CLINT1: variants seen among roughly 807,000 people sequenced by gnomAD.
CLINT1 encodes the protein clathrin interactor 1, also known as clathrin interacting protein localized in the trans-Golgi region.
Under a neutral mutation model 70.4 loss-of-function variants are expected in CLINT1, and 15 were observed. The observed-to-expected ratio is 0.21, with a 90% CI of 0.14 to 0.33. The LOEUF (loss-of-function observed/expected upper bound fraction) is 0.33, where lower values mean the gene tolerates loss of function less well. Ranked by LOEUF, CLINT1 falls within the 10% of genes least tolerant of loss-of-function variation. CLINT1 has a pLI of 1.00. For missense variants in CLINT1, 615 were observed against 778.1 expected (o/e 0.79, Z 2.49); for synonymous variants, 227 against 254.7 (o/e 0.89, Z 1.04).
At chr5:157,795,032 G>A in intron 8 of CLINT1, 60 bp from the exon 9 acceptor site, 1 of 1,404,810 alleles carries the variant, frequency 7.1e-7, no homozygotes, top group Admixed American at 2.0e-5. Flanking sequence ...AATAATTTCT[G>A]GAGGCCATTT....
At chr5:157,839,600 T>G (rs1763549966) in intron 1 of CLINT1, among the ~76,000 whole-genome samples, 1 of 143,464 alleles carries the variant, frequency 7.0e-6, no homozygotes, top group South Asian at 2.2e-4. Flanking sequence ...GACTCAGTCT[T>G]AAATAAAATA....
At chr5:157,822,191 A>G (rs887726233) in intron 1 of CLINT1, among the ~76,000 whole-genome samples, 2 of 151,330 alleles carry the variant, frequency 1.3e-5, no homozygotes, top group African/African-American at 4.9e-5. Context: ...GTAGTGAGTA[A>G]GTCTCACAAG....
At position 157,789,435 on chromosome 5, in the gene CLINT1, C is replaced by T; in HGVS notation, c.1459G>A (p.Asp487Asn). The T allele has an allele frequency of 6.2e-7, 1 of 1,613,904 alleles. No individual in the cohort carries two copies. Among genetic ancestry groups the T allele is most frequent in the Non-Finnish European group, 8.5e-7 (1 of 1,179,854 alleles). Reference protein sequence around the residue: ...WSDPSVNISLDNLLPGMQPSK... With the variant: ...WSDPSVNISLNNLLPGMQPSK... ...GGCTGCATACCAGGTAGTAAGTTGT[C>T]TAGGCTGATGTTTACACTGGGGTCA... Residue 487 changes from aspartate to asparagine, a missense_variant, in exon 11 of 12, where the codon GAC becomes AAC. Coordinates refer to ENST00000411809, the MANE Select transcript of CLINT1 (RefSeq NM_014666.4).
At chr5:157,817,050 T>C (rs557596109) in intron 2 of CLINT1, among the ~76,000 whole-genome samples, 74 of 152,280 alleles carry the variant, frequency 4.9e-4, no homozygotes, top group Non-Finnish European at 8.5e-4. Flanking sequence ...TACTTTGCAA[T>C]TAATAATTAA....
At chr5:157,848,835 T>C (rs1348111101) in intron 1 of CLINT1, among the ~76,000 whole-genome samples, 1 of 151,374 alleles carries the variant, frequency 6.6e-6, no homozygotes, top group Admixed American at 6.6e-5. Flanking sequence ...CTAATTTTTG[T>C]ATTTTTAGTA....
Position 157,813,118 on chromosome 5 carries a change from C to T in CLINT1, c.462G>A (p.Lys154=). The change falls in exon 5 of 12, where the codon AAG becomes AAA. Residue 154 remains lysine, a synonymous_variant. Transcript: ENST00000411809. ...AAACCCCAACATACTTGTCTTTGTTCTTCTTTGCTTTCTTTCGCTCTTCAC... is the reference window on the plus strand; with the variant it reads ...AAACCCCAACATACTTGTCTTTGTTTTTCTTTGCTTTCTTTCGCTCTTCAC... ...RLREERKKAK[K]NKDKYVGVSS... is the part of the protein sequence containing the mutation. The T allele has an allele frequency of 6.2e-7, 1 of 1,613,862 alleles. No individual in the cohort carries two copies. Among genetic ancestry groups the T allele is most frequent in the Non-Finnish European group, 8.5e-7 (1 of 1,179,820 alleles).
intron 1 of CLINT1, among the ~76,000 whole-genome samples, chr5:157,855,274 C>G (rs1312475885): frequency 1.3e-5 from 2 of 151,910 alleles, no homozygotes; most frequent in African/African-American, 4.8e-5. Context: ...CTACCACTAC[C>G]ATGTCACCTT....
chr5:157,818,467 TA>T (rs929415179), intron 1 of CLINT1, among the ~76,000 whole-genome samples: 1,524 of 88,330 alleles, frequency 0.017, 25 homozygotes, highest in African/African-American at 0.052. Context: ...ACCTGGTCTC[TA>T]AAAAAAAAAA....
chr5:157,810,685 C>T (rs1762527378), intron 5 of CLINT1, among the ~76,000 whole-genome samples: 1 of 152,062 alleles, frequency 6.6e-6, no homozygotes, highest in South Asian at 2.1e-4. Flanking sequence ...CCAAATCCAA[C>T]TTAAGAAGCA....
At chr5:157,821,006 C>T (rs1209203959) in intron 1 of CLINT1, among the ~76,000 whole-genome samples, 1 of 152,138 alleles carries the variant, frequency 6.6e-6, no homozygotes. Flanking sequence ...CGGACTTTCA[C>T]CAATCCTAAA....
At chr5:157,793,136 C>T (rs1416786204) in intron 9 of CLINT1, among the ~76,000 whole-genome samples, 1 of 151,850 alleles carries the variant, frequency 6.6e-6, no homozygotes, top group Non-Finnish European at 1.5e-5. Flanking sequence ...CTTAGAAACT[C>T]CAAGTTCTAC....
chr5:157,788,841 G>A (rs968097914), intron 11 of CLINT1, among the ~76,000 whole-genome samples: 65 of 152,008 alleles, frequency 4.3e-4, no homozygotes, highest in South Asian at 2.1e-4. Context: ...GGCGGTGCAC[G>A]CCTGTAGTCC....
intron 1 of CLINT1, among the ~76,000 whole-genome samples, chr5:157,820,532 T>A (rs1762849168): frequency 6.6e-6 from 1 of 152,154 alleles, no homozygotes; most frequent in South Asian, 2.1e-4. Flanking sequence ...ATTTTAAGCT[T>A]CAACTAATTC....
At chr5:157,840,513 T>A (rs10214233) in intron 1 of CLINT1, among the ~76,000 whole-genome samples, 81 of 151,658 alleles carry the variant, frequency 5.3e-4, no homozygotes, top group Non-Finnish European at 9.3e-4. Context: ...CACTGAAGCA[T>A]TGAAGCAAAG....
At chr5:157,806,943 G>T (rs1233594720) in intron 6 of CLINT1, among the ~76,000 whole-genome samples, 1 of 149,904 alleles carries the variant, frequency 6.7e-6, no homozygotes, top group Non-Finnish European at 1.5e-5. Flanking sequence ...AAGTCATTGG[G>T]TTTTTTTCTG....
chr5:157,823,779 C>T, intron 1 of CLINT1: 1 of 818,852 alleles, frequency 1.2e-6, no homozygotes, highest in Non-Finnish European at 1.5e-6. Flanking sequence ...TACCCAACCC[C>T]CGGAGTTGCG....
intron 1 of CLINT1, among the ~76,000 whole-genome samples, chr5:157,858,530 G>GC (rs1753827981): frequency 6.6e-6 from 1 of 152,154 alleles, no homozygotes; most frequent in Admixed American, 6.5e-5. Context: ...AGTGCATTGT[G>GC]CCCCCCACCC....
chr5:157,813,010 A>G (rs1371733301), intron 5 of CLINT1, 53 bp downstream of exon 5: 4 of 1,540,820 alleles, frequency 2.6e-6, no homozygotes, highest in Admixed American at 2.0e-5. Flanking sequence ...TTCTTAAAAT[A>G]TACTCAAGAA....
At chr5:157,788,530 G>GT (rs1761797103) in intron 11 of CLINT1, among the ~76,000 whole-genome samples, 1 of 152,160 alleles carries the variant, frequency 6.6e-6, no homozygotes, top group South Asian at 2.1e-4. Flanking sequence ...TAATTAGCAA[G>GT]GGAAATCATA....
Sources: gnomAD v4.1 joint callset for allele counts (sites outside exome capture counted in the v4.1 genomes callset) on GRCh38, gnomAD v4.1.1 for gene constraint, MANE v1.5 for transcripts, NCBI Gene and HGNC (gene_info 2026-07-23, HGNC 2026-07-21) for gene names.